The following ADGRL2 variants were observed in gnomAD, a reference collection of about 807,000 sequenced individuals.
ADGRL2 encodes the protein adhesion G protein-coupled receptor L2.
In ADGRL2, 44 loss-of-function variants were observed where a neutral mutation model predicts 157.4. That is an observed-to-expected ratio of 0.28 (90% CI 0.22 to 0.36). The LOEUF (loss-of-function observed/expected upper bound fraction) is 0.36. ADGRL2 is among the 10% of genes least tolerant of loss of function. The pLI is 1.00. For synonymous variants in ADGRL2, 585 were observed against 624.7 expected, an observed-to-expected ratio of 0.94 and a Z score of 0.95; for missense variants, 1,510 against 1,768.9, an observed-to-expected ratio of 0.85 and a Z score of 2.63.
At chr1:81,823,533 G>A (rs2091202153) in intron 1 of ADGRL2, among the ~76,000 whole-genome samples, 1 of 152,056 alleles carries the variant, frequency 6.6e-6, no homozygotes, top group Non-Finnish European at 1.5e-5. Context: ...AGGTAGCACT[G>A]AAGTGATAGA....
intron 2 of ADGRL2, among the ~76,000 whole-genome samples, chr1:81,877,557 T>C (rs1158542769): frequency 1.3e-5 from 2 of 152,160 alleles, no homozygotes; most frequent in Non-Finnish European, 2.9e-5. Context: ...ACAACACACA[T>C]TCCTAGTTTG....
intron 3 of ADGRL2, among the ~76,000 whole-genome samples, chr1:81,681,538 A>C (rs685707): frequency 0.64 from 96,671 of 152,060 alleles, 31,158 homozygotes; most frequent in Middle Eastern, 0.67. Flanking sequence ...CTAATAATTG[A>C]CATTAAAATT....
intron 1 of ADGRL2, among the ~76,000 whole-genome samples, chr1:81,330,949 A>T (rs1000929149): frequency 1.3e-5 from 2 of 152,224 alleles, no homozygotes; most frequent in Non-Finnish European, 1.5e-5. Context: ...CAACAGATTA[A>T]TTTGGCTGAT....
intron 2 of ADGRL2, among the ~76,000 whole-genome samples, chr1:81,843,655 A>G (rs899378759): frequency 6.6e-6 from 1 of 152,182 alleles, no homozygotes; most frequent in African/African-American, 2.4e-5. Context: ...TATTACTATC[A>G]GCATTCAAGA....
At chr1:81,888,162 A>G (rs2094171462) in intron 2 of ADGRL2, among the ~76,000 whole-genome samples, 1 of 152,176 alleles carries the variant, frequency 6.6e-6, no homozygotes, top group Non-Finnish European at 1.5e-5. Context: ...AGGTATGGAG[A>G]CAATAAGTTA....
intron 6 of ADGRL2, among the ~76,000 whole-genome samples, chr1:81,948,657 G>A (rs1175478741): frequency 1.3e-5 from 2 of 152,164 alleles, no homozygotes; most frequent in African/African-American, 4.8e-5. Flanking sequence ...AATTACAGAG[G>A]TTTAACAAGA....
chr1:81,592,090 C>G (rs1431805021), intron 3 of ADGRL2, among the ~76,000 whole-genome samples: 2 of 152,128 alleles, frequency 1.3e-5, no homozygotes, highest in African/African-American at 4.8e-5. Context: ...TTTAATGCAT[C>G]AGTGATATTT....
At chr1:81,953,590 T>C (rs1298789382) in intron 10 of ADGRL2, among the ~76,000 whole-genome samples, 1 of 152,194 alleles carries the variant, frequency 6.6e-6, no homozygotes, top group Non-Finnish European at 1.5e-5. Context: ...TTTATCAAGC[T>C]AATAGGAACA....
intron 1 of ADGRL2, among the ~76,000 whole-genome samples, chr1:81,367,158 T>A (rs2100958003): frequency 6.6e-6 from 1 of 152,282 alleles, no homozygotes; most frequent in African/African-American, 2.4e-5. Context: ...GTCACCAGTT[T>A]CTATGTACTT....
upstream of ADGRL2, among the ~76,000 whole-genome samples, chr1:81,799,014 C>T (rs2087733057): frequency 6.6e-6 from 1 of 152,138 alleles, no homozygotes; most frequent in South Asian, 2.1e-4. Context: ...GACTTATTCT[C>T]TTTTGCAATC....
intron 1 of ADGRL2, among the ~76,000 whole-genome samples, chr1:81,802,929 G>C (rs895509850): frequency 6.6e-6 from 1 of 152,092 alleles, no homozygotes; most frequent in African/African-American, 2.4e-5. Flanking sequence ...GATTGGGAGC[G>C]GCGGGGCTGC....
At chr1:81,980,658 T>C in intron 18 of ADGRL2, 1 of 454,650 alleles carries the variant, frequency 2.2e-6, no homozygotes, top group Non-Finnish European at 4.1e-6. Flanking sequence ...ATAGTAAGGG[T>C]AAATTTTTTT....
intron 1 of ADGRL2, among the ~76,000 whole-genome samples, chr1:81,813,227 T>TA (rs140216129): frequency 0.16 from 24,977 of 151,560 alleles, 2,247 homozygotes; most frequent in East Asian, 0.26. Flanking sequence ...TGTTGGTTGG[T>TA]AAAAAATAGA....
intron 2 of ADGRL2, among the ~76,000 whole-genome samples, chr1:81,892,217 C>T (rs1312924166): frequency 6.6e-6 from 1 of 151,964 alleles, no homozygotes; most frequent in Non-Finnish European, 1.5e-5. Flanking sequence ...ACAAGGATTC[C>T]AAGCCAAGTC....
chr1:81,661,596 CAG>C (rs1490325525), intron 3 of ADGRL2, among the ~76,000 whole-genome samples: 2 of 152,180 alleles, frequency 1.3e-5, no homozygotes, highest in African/African-American at 4.8e-5. Context: ...TGACCTTACA[CAG>C]TCTACAACAA....
intron 1 of ADGRL2, among the ~76,000 whole-genome samples, chr1:81,331,175 TATACTC>T (rs1386158219): frequency 6.6e-6 from 1 of 152,180 alleles, no homozygotes; most frequent in Non-Finnish European, 1.5e-5. Context: ...TTTACTCCCT[TATACTC>T]ATACCGTGTG....
intron 2 of ADGRL2, among the ~76,000 whole-genome samples, chr1:81,484,284 T>C (rs2078452935): frequency 6.6e-6 from 1 of 152,186 alleles, no homozygotes; most frequent in Admixed American, 6.5e-5. Context: ...CCTTTCTAGT[T>C]CCAACAACTA....
At chr1:81,724,788 T>G (rs1373917749) in intron 1 of ADGRL2, among the ~76,000 whole-genome samples, 1 of 152,238 alleles carries the variant, frequency 6.6e-6, no homozygotes, top group African/African-American at 2.4e-5. Flanking sequence ...ACAGCACATT[T>G]CTGGAATAAT....
intron 2 of ADGRL2, among the ~76,000 whole-genome samples, chr1:81,537,967 T>A (rs2148301006): frequency 6.6e-6 from 1 of 152,338 alleles, no homozygotes; most frequent in Non-Finnish European, 1.5e-5. Flanking sequence ...TCCAAAGTGC[T>A]GGGATTACAG....
Sources: allele counts gnomAD v4.1 joint callset (sites outside exome capture counted in the v4.1 genomes callset), GRCh38; gene constraint gnomAD v4.1.1; transcripts MANE v1.5; gene names NCBI Gene and HGNC (gene_info 2026-07-23, HGNC 2026-07-21).